RPLP2: variants seen among roughly 807,000 people sequenced by gnomAD.
RPLP2 encodes the protein large ribosomal subunit protein P2.
Under a neutral mutation model 11.5 loss-of-function variants are expected in RPLP2, and 1 was observed. The observed-to-expected ratio is 0.09, with a 90% CI of 0.03 to 0.41. RPLP2 has a LOEUF of 0.41. RPLP2 is among the 10% of genes least tolerant of loss of function. RPLP2 has a pLI of 0.98. For synonymous variants in RPLP2, 82 were observed against 55.9 expected (o/e 1.47, Z -2.08); for missense variants, 177 against 145.6 (o/e 1.22, Z -1.11).
At chr11:811,343 C>G (rs1011081467) in intron 2 of RPLP2, 52 of 558,262 alleles carry the variant, frequency 9.3e-5, no homozygotes, top group African/African-American at 8.9e-4. Context: ...GTTGAAGATA[C>G]CTATGAGTAG....
In RPLP2 at chr11:812,620, T is replaced by C. The variant is rs1262167580; in HGVS notation, c.258T>C (p.Ser86=). The part of the protein sequence containing the change: ...APGSAAPAAG[S]APAAAEEKKD... ...GCTCTGCAGCCCCTGCTGCTGGTTC[T>C]GCCCCTGCTGCAGGTAAGTGGTGGC... is the stretch of plus-strand genomic sequence containing the variant. Residue 86 remains serine (S), a synonymous_variant, in exon 4 of 5, where the codon TCT becomes TCC. Transcript: ENST00000321153. The C allele has an allele frequency of 1.9e-6, 3 of 1,610,016 alleles. No homozygotes were observed. Among genetic ancestry groups the C allele is most frequent in the Non-Finnish European group, 2.5e-6 (3 of 1,179,894 alleles).
At chr11:810,530 A>AC in intron 2 of RPLP2, 173 bp downstream of exon 2, 1 of 568,856 alleles carries the variant, frequency 1.8e-6, no homozygotes, top group South Asian at 2.4e-5. Flanking sequence ...GCGGTGGCTC[A>AC]CGCCTGTAGT....
chr11:812,243 G>T, intron 3 of RPLP2: 1 of 485,814 alleles, frequency 2.1e-6, no homozygotes, highest in Non-Finnish European at 3.8e-6. Context: ...ACCTAGTTAT[G>T]AACATGTCTG....
intron 2 of RPLP2, among the ~76,000 whole-genome samples, chr11:810,806 AAGC>A (rs1186925881): frequency 3.3e-5 from 5 of 150,652 alleles, no homozygotes; most frequent in South Asian, 2.1e-4. Context: ...AAAAAAAAAA[AAGC>A]AGGGTGGGTA....
At chr11:810,427 A>C (rs1865994885) in intron 2 of RPLP2, 70 bp downstream of exon 2, 1 of 1,433,320 alleles carries the variant, frequency 7.0e-7, no homozygotes, top group Admixed American at 2.0e-5. Flanking sequence ...CTTCTGCCTG[A>C]TCCGGCCACA....
At position 812,388 on chromosome 11, in the gene RPLP2, G is replaced by A. The variant is rs1483346203; in HGVS notation, c.173-147G>A. On this transcript the variant is annotated intron_variant, in intron 3 of 4. Coordinates refer to ENST00000321153, the MANE Select transcript of RPLP2 (RefSeq NM_001004.4). ...CGTTGAGGAGTGGCTCAGGGAGGGA[G>A]TGTTCAGGAAGAACGGGAGACACTG... 9.0e-6 allele frequency: 9 copies of A among 1,002,982 alleles called. No homozygotes were observed. The Admixed American group carries it at 1.7e-4, about 19-fold the overall frequency. 62.1% of individuals were successfully genotyped at this position (1,002,982 alleles called of 1,614,324 possible).
chr11:812,451 C>T (rs1359912635), intron 3 of RPLP2, 84 bp from the exon 4 acceptor site: 6 of 1,568,542 alleles, frequency 3.8e-6, no homozygotes, highest in Non-Finnish European at 4.3e-6. Flanking sequence ...TGCCATGTGC[C>T]ATCTCTGGTG....
chr11:810,220 TC>T lies in RPLP2; in HGVS notation c.-1-12del. On this transcript the variant is annotated splice_polypyrimidine_tract_variant and intron_variant, in intron 1 of 4. Transcript: ENST00000321153. ...GGGGTAACTCCGCCGTCGCGTCCTC[TC>T]CGCCCGCCTCAGGATGCGCTACGTC... 1 of 1,527,998 alleles carries T rather than the reference TC, an allele frequency of 6.5e-7. No individual in the cohort carries two copies. Among genetic ancestry groups the T allele is most frequent in the Non-Finnish European group, 8.8e-7 (1 of 1,136,658 alleles). The allele number at this position is 1,527,998 out of a possible 1,614,324, so 94.7% of individuals were successfully genotyped here.
intron 3 of RPLP2, 142 bp from the exon 4 acceptor site, chr11:812,393 C>T: frequency 2.8e-6 from 3 of 1,090,478 alleles, no homozygotes; most frequent in Non-Finnish European, 4.0e-6. Flanking sequence ...AGGGAGTGTT[C>T]AGGAAGAACG....
intron 2 of RPLP2, among the ~76,000 whole-genome samples, chr11:811,190 C>T (rs138599437): frequency 2.0e-4 from 30 of 152,122 alleles, no homozygotes; most frequent in African/African-American, 5.5e-4. Context: ...AAAAATTAGC[C>T]AGGCTTGGTT....
At chr11:811,434 A>G in intron 2 of RPLP2, 163 bp from the exon 3 acceptor site, 1 of 698,556 alleles carries the variant, frequency 1.4e-6, no homozygotes, top group Non-Finnish European at 2.4e-6. Flanking sequence ...TTTTTATATC[A>G]CTTCCCAAGT....
intron 2 of RPLP2, 186 bp downstream of exon 2, chr11:810,543 C>G: frequency 2.0e-6 from 1 of 500,594 alleles, no homozygotes; most frequent in South Asian, 3.1e-5. Context: ...CCTGTAGTCC[C>G]AGTACTTTGG....
At chr11:811,330 A>G (rs1052543373) in intron 2 of RPLP2, 1 of 522,276 alleles carries the variant, frequency 1.9e-6, no homozygotes, top group African/African-American at 1.9e-5. Flanking sequence ...TTATTTTGCC[A>G]GTGTTGAAGA....
intron 2 of RPLP2, 51 bp downstream of exon 2, chr11:810,408 C>T: frequency 3.9e-6 from 6 of 1,556,706 alleles, no homozygotes; most frequent in South Asian, 3.4e-5. Flanking sequence ...GTGTCCCATA[C>T]AGGCGATTCT....
chr11:811,716 C>T, intron 3 of RPLP2, 71 bp downstream of exon 3: 1 of 1,603,250 alleles, frequency 6.2e-7, no homozygotes, highest in Non-Finnish European at 8.5e-7. Context: ...CATCTGTGGC[C>T]TGCCAGGTTT....
rs761392767 is a variant in RPLP2, at chr11:810,303, C to T, written c.69C>T (p.Ile23=). 4 of 1,609,492 alleles carry T rather than the reference C, an allele frequency of 2.5e-6. No homozygotes were observed. The highest frequency in any genetic ancestry group is 3.4e-6 in the Non-Finnish European group (4 of 1,178,612). Residue 23 remains isoleucine, a synonymous_variant, in exon 2 of 5, where the codon ATC becomes ATT. Transcript: ENST00000321153. ...GGNSSPSAKD[I]KKILDSVGIE... ...ACTCCTCCCCCAGCGCCAAGGACATCAAGAAGATCTTGGACAGCGTGGGTA... is the reference window on the plus strand; with the variant it reads ...ACTCCTCCCCCAGCGCCAAGGACATTAAGAAGATCTTGGACAGCGTGGGTA...
Position 810,318 on chromosome 11 carries a change from C to G in RPLP2, c.84C>G (p.Asp28Glu), listed in dbSNP as rs138243875. ...CCAAGGACATCAAGAAGATCTTGGA[C>G]AGCGTGGGTATCGAGGCGGACGACG... ...PSAKDIKKIL[D>E]SVGIEADDDR... Residue 28 changes from aspartate to glutamate, a missense_variant, in exon 2 of 5, where the codon GAC (aspartate) becomes GAG (glutamate). Physicochemically the swap from Asp to Glu is conservative, Grantham distance 45 (BLOSUM62 2). Transcript: ENST00000321153. 406 of 1,609,160 alleles carry G rather than the reference C, an allele frequency of 2.5e-4. 3 individuals are homozygous for G. The East Asian group carries it at 8.7e-3, about 35-fold the overall frequency.
chr11:811,848 C>T (rs1450071696), intron 3 of RPLP2: 1 of 779,182 alleles, frequency 1.3e-6, no homozygotes, highest in Non-Finnish European at 2.4e-6. Context: ...ACCCTGTGTT[C>T]TCAGCAGACG....
At chr11:810,134 A>G (rs930422716) in intron 1 of RPLP2, 95 bp downstream of exon 1, 2 of 1,340,804 alleles carry the variant, frequency 1.5e-6, no homozygotes, top group African/African-American at 1.6e-5. Context: ...ACGGAGGCCT[A>G]CGGGCCGAGC....
Sources: allele counts gnomAD v4.1 joint callset (sites outside exome capture counted in the v4.1 genomes callset), GRCh38; gene constraint gnomAD v4.1.1; transcripts MANE v1.5; gene names NCBI Gene and HGNC (gene_info 2026-07-23, HGNC 2026-07-21).